The following DNAJC3 variants were observed in gnomAD, a reference collection of about 807,000 sequenced individuals.
DNAJC3 encodes DnaJ heat shock protein family (Hsp40) member C3, also known as dnaJ homolog subfamily C member 3.
Under a neutral mutation model 68.6 loss-of-function variants are expected in DNAJC3, and 38 were observed. The ratio of observed to expected loss-of-function variants is 0.55; its 90% CI spans 0.43 to 0.73. DNAJC3 has a LOEUF of 0.73. Among genes scored for constraint, DNAJC3 ranks in the 30% least tolerant of loss-of-function variants. The probability of loss-of-function intolerance (pLI) is 0.00; values close to 1 mark genes in which losing one functional copy is unlikely to be tolerated. For synonymous variants in DNAJC3, 203 were observed against 204.0 expected (o/e 1.00, Z 0.04); for missense variants, 526 against 591.9 (o/e 0.89, Z 1.16).
intron 4 of DNAJC3, among the ~76,000 whole-genome samples, chr13:95,734,320 C>T (rs1194063375): frequency 6.6e-6 from 1 of 152,158 alleles, no homozygotes; most frequent in Non-Finnish European, 1.5e-5. Context: ...ACAGTTTTCT[C>T]TTAGCACTTT....
At chr13:95,728,299 C>G (rs1193158507) in intron 4 of DNAJC3, among the ~76,000 whole-genome samples, 5 of 152,216 alleles carry the variant, frequency 3.3e-5, no homozygotes, top group Admixed American at 3.3e-4. Context: ...TCCAGAGTGA[C>G]TGTACCATTT....
intron 1 of DNAJC3, among the ~76,000 whole-genome samples, chr13:95,687,588 G>A (rs1437630070): frequency 1.3e-5 from 2 of 152,070 alleles, no homozygotes; most frequent in African/African-American, 4.8e-5. Context: ...TTTTGCTCAT[G>A]GATTTGGAGA....
intron 9 of DNAJC3, among the ~76,000 whole-genome samples, chr13:95,766,466 G>A (rs1882995984): frequency 6.6e-6 from 1 of 152,150 alleles, no homozygotes; most frequent in African/African-American, 2.4e-5. Flanking sequence ...TTTGAATATA[G>A]GGGTAACTCA....
intron 4 of DNAJC3, among the ~76,000 whole-genome samples, chr13:95,730,927 G>T (rs1031840811): frequency 6.6e-5 from 10 of 152,212 alleles, no homozygotes; most frequent in African/African-American, 2.4e-4. Flanking sequence ...TGTTAATTTT[G>T]ATTTGTGAGC....
In DNAJC3 at chr13:95,760,222, G is replaced by C. The variant is rs752753605; in HGVS notation, c.728+1G>C. ...TAGGAGACCACGAACTGTCCCTCAG[G>C]TCAGTTCTAGTGACACACATGTCTG... On this transcript the variant is annotated splice_donor_variant, in intron 6 of 11. Coordinates refer to ENST00000602402, the MANE Select transcript of DNAJC3 (RefSeq NM_006260.5). LOFTEE classifies it high-confidence loss of function. The C allele has an allele frequency of 3.8e-6, 6 of 1,571,906 alleles. No homozygotes were observed. Among genetic ancestry groups the C allele is most frequent in the Non-Finnish European group, 5.2e-6 (6 of 1,158,910 alleles).
chr13:95,759,376 A>T (rs1051107910), intron 5 of DNAJC3, among the ~76,000 whole-genome samples: 11 of 152,152 alleles, frequency 7.2e-5, no homozygotes, highest in Admixed American at 1.3e-4. Flanking sequence ...CAGTGGTGCG[A>T]TTGTAGCTCA....
intron 4 of DNAJC3, among the ~76,000 whole-genome samples, chr13:95,741,567 G>A (rs373593866): frequency 1.3e-5 from 2 of 152,178 alleles, no homozygotes; most frequent in African/African-American, 4.8e-5. Context: ...ACTTTGGTAC[G>A]GGAATGGCAG....
rs746295509 is a variant in DNAJC3, at chr13:95,677,265, C to T, written c.10C>T (p.Pro4Ser). 4.4e-6 allele frequency: 7 copies of T among 1,603,412 alleles called. No individual in the cohort carries two copies. Among genetic ancestry groups the T allele is most frequent in the Non-Finnish European group, 5.1e-6 (6 of 1,175,990 alleles). MVAPGSVTSRLGSV... is the reference protein window; with the variant it reads MVASGSVTSRLGSV... ...TCGCGAGCCCTCGGACATGGTGGCC[C>T]CCGGCTCCGTGACCAGCCGGCTGGG... is the stretch of plus-strand genomic sequence containing the variant. The change falls in exon 1 of 12, where the codon CCC (proline) becomes TCC (serine). Residue 4 changes from proline (P) to serine (S), a missense_variant. Coordinates refer to ENST00000602402, the MANE Select transcript of DNAJC3 (RefSeq NM_006260.5).
chr13:95,766,549 ATATT>A (rs1271786683), intron 9 of DNAJC3, among the ~76,000 whole-genome samples: 2 of 152,328 alleles, frequency 1.3e-5, no homozygotes, highest in African/African-American at 4.8e-5. Flanking sequence ...TGTGGCTGTT[ATATT>A]AACTGATGCA....
chr13:95,742,134 G>A (rs535467942), intron 4 of DNAJC3, among the ~76,000 whole-genome samples: 5 of 152,308 alleles, frequency 3.3e-5, no homozygotes, highest in African/African-American at 1.2e-4. Flanking sequence ...GCGGCTGCTG[G>A]CAAGAGAGCC....
intron 4 of DNAJC3, among the ~76,000 whole-genome samples, chr13:95,744,202 T>C (rs1882235543): frequency 6.6e-6 from 1 of 152,178 alleles, no homozygotes; most frequent in South Asian, 2.1e-4. Flanking sequence ...TTTTAAAAAG[T>C]GTATACCTAA....
intron 9 of DNAJC3, among the ~76,000 whole-genome samples, chr13:95,783,157 GAA>G (rs1216696212): frequency 1.3e-5 from 2 of 152,094 alleles, no homozygotes; most frequent in Non-Finnish European, 2.9e-5. Flanking sequence ...TGGAGTCTGA[GAA>G]AGTATAACTT....
In DNAJC3 at chr13:95,793,725, G is replaced by GTGT. The variant is rs1883869691; in HGVS notation, c.*2698_*2700dup. On this transcript the variant is annotated 3_prime_UTR_variant, in exon 12 of 12. Transcript: ENST00000602402. ...GATCTGCCCGCCTTGGCCTTCCAAAGTGTTGGGATTACAGGCGTGAGCCAC... is the reference window on the plus strand; with the variant it reads ...GATCTGCCCGCCTTGGCCTTCCAAAGTGTTGTTGGGATTACAGGCGTGAGCCAC... 6.6e-6 allele frequency: 1 copy of GTGT among 152,396 alleles called. No individual in the cohort carries two copies. Among genetic ancestry groups the GTGT allele is most frequent in the Non-Finnish European group, 1.5e-5 (1 of 68,276 alleles). 9.4% of individuals were successfully genotyped at this position (152,396 alleles called of 1,614,324 possible). A position where few individuals can be genotyped will look rare whatever the true frequency, so the allele number is the denominator to read the frequency against.
At chr13:95,692,379 G>A (rs979219040) in intron 1 of DNAJC3, among the ~76,000 whole-genome samples, 10 of 152,154 alleles carry the variant, frequency 6.6e-5, no homozygotes, top group Middle Eastern at 3.4e-3. Context: ...GGGGGTTGGC[G>A]TCCCTTCATT....
In DNAJC3 at chr13:95,791,046, G is replaced by A. The variant is rs1042388352; in HGVS notation, c.*16G>A. On this transcript the variant is annotated 3_prime_UTR_variant, in exon 12 of 12. Coordinates refer to ENST00000602402, the MANE Select transcript of DNAJC3 (RefSeq NM_006260.5). ...CTTCAATTAAACCAACTGTTTTTCT[G>A]CTCTTCTTAATTTTTTTAAAGATTA... 1.6e-5 allele frequency: 25 copies of A among 1,610,348 alleles called. No individual in the cohort carries two copies. Among genetic ancestry groups the A allele is most frequent in the Non-Finnish European group, 2.0e-5 (23 of 1,178,996 alleles).
At chr13:95,711,766 G>A (rs1010925945) in intron 2 of DNAJC3, among the ~76,000 whole-genome samples, 8 of 152,148 alleles carry the variant, frequency 5.3e-5, no homozygotes, top group African/African-American at 1.9e-4. Context: ...AATTACAGTG[G>A]AAGGCTTTAG....
chr13:95,701,007 G>C (rs890791485), intron 1 of DNAJC3, among the ~76,000 whole-genome samples: 55 of 152,212 alleles, frequency 3.6e-4, no homozygotes, highest in African/African-American at 1.2e-3. Context: ...GTGACATCTA[G>C]GCATTTAAAT....
chr13:95,779,119 CTTTTTTTTTTTTTT>C (rs142933580), intron 9 of DNAJC3, among the ~76,000 whole-genome samples: 3 of 97,974 alleles, frequency 3.1e-5, no homozygotes, highest in African/African-American at 1.3e-4. Context: ...TTTCTTCTTT[CTTTTTTTTTTTTTT>C]TTTTTTTTTG....
chr13:95,781,164 T>C (rs1220376237), intron 9 of DNAJC3, among the ~76,000 whole-genome samples: 1 of 152,128 alleles, frequency 6.6e-6, no homozygotes, highest in Non-Finnish European at 1.5e-5. Context: ...CGCTTTTTGT[T>C]TGTTCCAGGT....
Sources: allele counts gnomAD v4.1 joint callset (sites outside exome capture counted in the v4.1 genomes callset), GRCh38; gene constraint gnomAD v4.1.1; transcripts MANE v1.5; gene names NCBI Gene and HGNC (gene_info 2026-07-23, HGNC 2026-07-21).